CCDC13: variants seen among roughly 807,000 people sequenced by gnomAD.
CCDC13 encodes the protein coiled-coil domain-containing protein 13.
A neutral mutation model predicts 87.3 loss-of-function variants in CCDC13; 70 were observed. The observed-to-expected ratio is 0.80, with a 90% CI of 0.66 to 0.98. The LOEUF is 0.98. CCDC13 is among the 50% of genes least tolerant of loss of function. The pLI, the probability that CCDC13 is intolerant of heterozygous loss-of-function variation, is 0.00. For missense variants in CCDC13, 842 were observed against 892.0 expected (o/e 0.94, Z 0.71); for synonymous variants, 317 against 360.3 (o/e 0.88, Z 1.36).
intron 10 of CCDC13, 101 bp from the exon 11 acceptor site, chr3:42,733,710 T>G: frequency 7.1e-7 from 1 of 1,416,886 alleles, no homozygotes; most frequent in Non-Finnish European, 9.3e-7. Flanking sequence ...TCAGAGGATA[T>G]GAAAGAGGCT....
At chr3:42,758,005 T>C (rs1699740666) in intron 2 of CCDC13, 120 bp downstream of exon 2, 1 of 793,416 alleles carries the variant, frequency 1.3e-6, no homozygotes, top group Admixed American at 2.7e-5. Flanking sequence ...ATTAAGGCTC[T>C]AAGCTTCCTT....
chr3:42,750,764 G>A (rs1015749447), intron 5 of CCDC13, among the ~76,000 whole-genome samples: 3 of 152,326 alleles, frequency 2.0e-5, no homozygotes, highest in Admixed American at 6.5e-5. Flanking sequence ...CACCTCACCC[G>A]GTCAAGGCTC....
chr3:42,749,735 C>T (rs566667379), intron 5 of CCDC13: 1 of 382,326 alleles, frequency 2.6e-6, no homozygotes, highest in African/African-American at 2.1e-5. Flanking sequence ...TGGGTACGCT[C>T]CCTCCCCTAC....
intron 14 of CCDC13, 32 bp downstream of exon 14, chr3:42,713,130 C>T: frequency 6.2e-7 from 1 of 1,606,736 alleles, no homozygotes. Flanking sequence ...TGCCTCCACC[C>T]CCTGCACTGA....
chr3:42,721,071 C>T (rs190918281), intron 13 of CCDC13, among the ~76,000 whole-genome samples: 13 of 152,260 alleles, frequency 8.5e-5, no homozygotes, highest in African/African-American at 2.2e-4. Context: ...GTTTGGCTTT[C>T]GTCAGGCTAT....
At chr3:42,765,868 C>G (rs999822702) in intron 1 of CCDC13, among the ~76,000 whole-genome samples, 2 of 152,032 alleles carry the variant, frequency 1.3e-5, no homozygotes, top group Non-Finnish European at 2.9e-5. Flanking sequence ...TGGGGAGGCA[C>G]CAGAAGAAGG....
At chr3:42,739,268 C>A (rs2125890445) in intron 9 of CCDC13, among the ~76,000 whole-genome samples, 1 of 152,284 alleles carries the variant, frequency 6.6e-6, no homozygotes, top group African/African-American at 2.4e-5. Flanking sequence ...GGTTCTGTGC[C>A]ACTGCAGAGA....
intron 7 of CCDC13, 138 bp from the exon 8 acceptor site, chr3:42,743,195 TA>T: frequency 1.1e-6 from 1 of 889,240 alleles, no homozygotes; most frequent in Non-Finnish European, 1.7e-6. Context: ...TGAGGAGGAC[TA>T]GGGGTGGGGG....
chr3:42,765,530 C>T (rs954094188), intron 1 of CCDC13, among the ~76,000 whole-genome samples: 4 of 152,160 alleles, frequency 2.6e-5, no homozygotes, highest in African/African-American at 7.2e-5. Flanking sequence ...CTCAGCCTCC[C>T]GAGTAGCTGG....
At chr3:42,735,400 A>G (rs979176596) in intron 10 of CCDC13, among the ~76,000 whole-genome samples, 1 of 152,218 alleles carries the variant, frequency 6.6e-6, no homozygotes, top group African/African-American at 2.4e-5. Context: ...TACTGCCACC[A>G]TCTTGAATCC....
At position 42,708,336 on chromosome 3, in the gene CCDC13, C is replaced by G. The variant is rs924317416; in HGVS notation, c.*644G>C. On this transcript the variant is annotated 3_prime_UTR_variant, in exon 16 of 16. Transcript: ENST00000310232. The stretch of plus-strand genomic sequence containing the variant: ...AACAAACCCCTGGGTCATTAGAGGA[C>G]TGAATGGGGTCAGGTTGCCACAGTA... 1 of 152,162 alleles carries G rather than the reference C, an allele frequency of 6.6e-6. No individual in the cohort carries two copies. The highest frequency in any genetic ancestry group is 1.5e-5 in the Non-Finnish European group (1 of 68,040). 9.4% of individuals were successfully genotyped at this position (152,162 alleles called of 1,614,324 possible).
At chr3:42,730,681 TTCAGGGCGAATG>T in intron 12 of CCDC13, 92 bp from the exon 13 acceptor site, 1 of 1,530,056 alleles carries the variant, frequency 6.5e-7, no homozygotes, top group Non-Finnish European at 8.9e-7. Flanking sequence ...TAGAAGGACA[TTCAGGGCGAATG>T]TCAGCCAGAG....
At chr3:42,737,674 G>A (rs1699074482) in intron 9 of CCDC13, among the ~76,000 whole-genome samples, 1 of 152,214 alleles carries the variant, frequency 6.6e-6, no homozygotes, top group Non-Finnish European at 1.5e-5. Context: ...GTGATGATGA[G>A]CATTTTTTCA....
At chr3:42,758,095 A>ACACC (rs766044655) in intron 2 of CCDC13, 30 bp downstream of exon 2, 9 of 1,465,914 alleles carry the variant, frequency 6.1e-6, no homozygotes, top group South Asian at 2.3e-5. Context: ...ACACACACAC[A>ACACC]CCCCTGAGAG....
At chr3:42,739,582 C>G in intron 9 of CCDC13, 52 bp downstream of exon 9, 2 of 1,572,172 alleles carry the variant, frequency 1.3e-6, no homozygotes, top group South Asian at 1.2e-5. Flanking sequence ...TGGGGCCCAT[C>G]CTTTGAGGAA....
chr3:42,714,208 T>C (rs1698378971), intron 13 of CCDC13: 1 of 152,212 alleles, frequency 6.6e-6, no homozygotes, highest in African/African-American at 2.4e-5. Context: ...GCTCAAAAGA[T>C]TACATTGAGC....
At chr3:42,752,435 C>G (rs1258328849) in intron 4 of CCDC13, 140 bp downstream of exon 4, 9 of 1,013,036 alleles carry the variant, frequency 8.9e-6, no homozygotes, top group African/African-American at 6.5e-5. Context: ...AATGCAGCAC[C>G]ACCATATACT....
chr3:42,758,471 A>AAGCTTCTG, intron 1 of CCDC13, 120 bp from the exon 2 acceptor site: 1 of 919,704 alleles, frequency 1.1e-6, no homozygotes, highest in Non-Finnish European at 1.6e-6. Context: ...ATGTATGTCC[A>AAGCTTCTG]CGCAGAAGCT....
intron 13 of CCDC13, among the ~76,000 whole-genome samples, chr3:42,724,933 C>T (rs778825678): frequency 2.6e-5 from 4 of 151,754 alleles, no homozygotes; most frequent in Non-Finnish European, 5.9e-5. Context: ...CATAATATTA[C>T]ACATTATATA....
Sources: allele counts gnomAD v4.1 joint callset (sites outside exome capture counted in the v4.1 genomes callset), GRCh38; gene constraint gnomAD v4.1.1; transcripts MANE v1.5; gene names NCBI Gene and HGNC (gene_info 2026-07-23, HGNC 2026-07-21).